Variants in ZNF516 observed in about 807,000 individuals in gnomAD.
The protein encoded by ZNF516 is zinc finger protein 516.
ZNF516 carries 19 observed loss-of-function variants against 79.7 expected under a neutral mutation model. The ratio of observed to expected loss-of-function variants is 0.24; its 90% confidence interval spans 0.17 to 0.35. The LOEUF (loss-of-function observed/expected upper bound fraction) is 0.35, where lower values mean the gene tolerates loss of function less well. Ranked by LOEUF, ZNF516 falls within the 10% of genes least tolerant of loss-of-function variation. The pLI is 1.00. For missense variants in ZNF516, 1,678 were observed against 1,679.5 expected, an observed-to-expected ratio of 1.00 and a Z score of 0.02; for synonymous variants, 877 against 739.5, an observed-to-expected ratio of 1.19 and a Z score of -3.02.
chr18:76,464,049 C>A (rs578056459), intron 1 of ZNF516, among the ~76,000 whole-genome samples: 1 of 152,062 alleles, frequency 6.6e-6, no homozygotes, highest in Non-Finnish European at 1.5e-5. Flanking sequence ...CAAGGCCGGG[C>A]GCGGGTGCTC....
At chr18:76,475,121 T>A (rs1253969300) in intron 1 of ZNF516, among the ~76,000 whole-genome samples, 1 of 152,210 alleles carries the variant, frequency 6.6e-6, no homozygotes, top group African/African-American at 2.4e-5. Flanking sequence ...CAAAACAAGT[T>A]ACCCAAAGAG....
At chr18:76,458,561 A>G (rs1912874204) in intron 2 of ZNF516, among the ~76,000 whole-genome samples, 2 of 152,262 alleles carry the variant, frequency 1.3e-5, no homozygotes, top group Admixed American at 6.5e-5. Flanking sequence ...GACCAAGGGC[A>G]CAGGAGTAGT....
At chr18:76,391,128 A>G (rs760292737) in intron 3 of ZNF516, among the ~76,000 whole-genome samples, 2 of 152,168 alleles carry the variant, frequency 1.3e-5, no homozygotes, top group Non-Finnish European at 2.9e-5. Context: ...GAAATCATTA[A>G]GGAGGGCTGC....
At chr18:76,389,946 G>A (rs780900697) in intron 3 of ZNF516, among the ~76,000 whole-genome samples, 73 of 152,180 alleles carry the variant, frequency 4.8e-4, no homozygotes, top group Non-Finnish European at 7.9e-4. Flanking sequence ...TGGGCAGCAC[G>A]CAGTTTTATT....
In ZNF516 at chr18:76,379,128, G is replaced by A. The variant is rs768722340; in HGVS notation, c.2986C>T (p.Pro996Ser). ...PPAKGEGGAP[P>S]LPPREPPSKA... Reference sequence around the variant, plus strand: ...GAGGGGGGCTCGCGGGGAGGTAGAGGAGGAGCGCCCCCTTCGCCCTTTGCA... The same window carrying A: ...GAGGGGGGCTCGCGGGGAGGTAGAGAAGGAGCGCCCCCTTCGCCCTTTGCA... The change falls in exon 4 of 7, where the codon CCT (proline) becomes TCT (serine). Residue 996 changes from proline (P) to serine (S), a missense_variant. Physicochemically the swap from Pro to Ser is moderately conservative, Grantham distance 74 (BLOSUM62 -1). Around this residue, in one of 5 missense-constraint regions of ZNF516, gnomAD observed 1,294 missense variants for 1,248.3 expected, o/e 1.04. Coordinates refer to ENST00000443185, the MANE Select transcript of ZNF516 (RefSeq NM_014643.4). 1.1e-5 allele frequency: 17 copies of A among 1,612,630 alleles called. No individual in the cohort carries two copies. Among genetic ancestry groups the A allele is most frequent in the East Asian group, 4.5e-5 (2 of 44,858 alleles).
At chr18:76,492,149 G>A in intron 1 of ZNF516, 4 of 985,326 alleles carry the variant, frequency 4.1e-6, no homozygotes, top group Non-Finnish European at 4.8e-6. Flanking sequence ...CCTCTCCATT[G>A]CATCATCCCC....
chr18:76,361,446 A>C lies in ZNF516; in HGVS notation c.*1052T>G, dbSNP rs1392422893. On this transcript the variant is annotated 3_prime_UTR_variant, in exon 7 of 7. Transcript: ENST00000443185. ...ATGAACAAAGTCACTCATCCTGTGG[A>C]GGTCACCAGGCCCAGGGAGAAAAGA... 1 of 152,198 alleles carries C rather than the reference A, an allele frequency of 6.6e-6. No individual in the cohort carries two copies. The highest frequency in any genetic ancestry group is 2.4e-5 in the African/African-American group (1 of 41,434). 9.4% of individuals were successfully genotyped at this position (152,198 alleles called of 1,614,324 possible).
chr18:76,418,302 C>T (rs111211715), intron 3 of ZNF516, among the ~76,000 whole-genome samples: 3,514 of 152,188 alleles, frequency 0.023, 68 homozygotes, highest in Middle Eastern at 0.041. Flanking sequence ...ATAACACACA[C>T]GCTGTAACAT....
chr18:76,468,853 T>C (rs781426457), intron 1 of ZNF516, among the ~76,000 whole-genome samples: 1 of 152,184 alleles, frequency 6.6e-6, no homozygotes, highest in African/African-American at 2.4e-5. Flanking sequence ...ATCTTCCCCA[T>C]CAGTTCCTTG....
At chr18:76,363,754 G>C (rs1207016009) in intron 6 of ZNF516, among the ~76,000 whole-genome samples, 1 of 152,220 alleles carries the variant, frequency 6.6e-6, no homozygotes. Flanking sequence ...ATCATCAACA[G>C]GGCTCACTAA....
At position 76,358,588 on chromosome 18, in the gene ZNF516, T is replaced by C. The variant is rs1599116377; in HGVS notation, c.*3910A>G. 6.6e-6 allele frequency: 1 copy of C among 152,248 alleles called. No homozygotes were observed. The highest frequency in any genetic ancestry group is 2.4e-5 in the African/African-American group (1 of 41,460). 9.4% of individuals were successfully genotyped at this position (152,248 alleles called of 1,614,324 possible). A position where few individuals can be genotyped will look rare whatever the true frequency, so the allele number is the denominator to read the frequency against. On this transcript the variant is annotated 3_prime_UTR_variant, in exon 7 of 7. Coordinates refer to ENST00000443185, the MANE Select transcript of ZNF516 (RefSeq NM_014643.4). ...GCCTGTGGTTGTTTCATCTGTTTTT[T>C]TGCTCAGTGAACAAAACGTTCTGAA... is the stretch of plus-strand genomic sequence containing the variant.
intron 3 of ZNF516, among the ~76,000 whole-genome samples, chr18:76,403,953 C>A (rs576538136): frequency 6.8e-4 from 104 of 152,236 alleles, no homozygotes; most frequent in Non-Finnish European, 1.2e-3. Context: ...AAGCATCCTG[C>A]GGACAACGAG....
At chr18:76,394,928 C>T (rs761259986) in intron 3 of ZNF516, among the ~76,000 whole-genome samples, 16 of 152,098 alleles carry the variant, frequency 1.1e-4, no homozygotes, top group African/African-American at 4.8e-5. Flanking sequence ...TCACCACACA[C>T]GCCCTTTCTG....
rs192324175 is a variant in ZNF516, at chr18:76,379,488, C to T, written c.2626G>A (p.Ala876Thr). The change falls in exon 4 of 7, where the codon GCT becomes ACT. Residue 876 changes from alanine (A) to threonine (T), a missense_variant. This residue lies in a region of ZNF516 where 1,294 missense variants were observed against 1,248.3 expected (regional missense o/e 1.04). Transcript: ENST00000443185. ...NKESHSGGPC[A>T]LWAPGPDGYR... is the part of the protein sequence containing the mutation. The stretch of plus-strand genomic sequence containing the variant: ...CCGTCAGGGCCGGGCGCCCACAGAG[C>T]GCAGGGACCTCCGGAATGGCTCTCC... 37 of 1,613,592 alleles carry T rather than the reference C, an allele frequency of 2.3e-5. No homozygotes were observed. In the African/African-American group the frequency reaches 3.3e-4, roughly 15 times the overall value.
intron 3 of ZNF516, among the ~76,000 whole-genome samples, chr18:76,384,778 G>A (rs2074958012): frequency 6.6e-6 from 1 of 152,074 alleles, no homozygotes; most frequent in Admixed American, 6.5e-5. Flanking sequence ...AAGTCTGCAA[G>A]AAAAAGCACT....
chr18:76,463,616 C>A (rs967412894), intron 1 of ZNF516, among the ~76,000 whole-genome samples: 1 of 152,192 alleles, frequency 6.6e-6, no homozygotes, highest in Non-Finnish European at 1.5e-5. Flanking sequence ...GTCTGTGGGG[C>A]GCCACCTACT....
intron 1 of ZNF516, among the ~76,000 whole-genome samples, chr18:76,472,428 C>T (rs893643449): frequency 6.6e-6 from 1 of 152,216 alleles, no homozygotes; most frequent in African/African-American, 2.4e-5. Flanking sequence ...TATACACAGG[C>T]GCACTTACAC....
intron 3 of ZNF516, among the ~76,000 whole-genome samples, chr18:76,415,117 G>A (rs952362984): frequency 2.0e-5 from 3 of 152,134 alleles, no homozygotes; most frequent in Non-Finnish European, 2.9e-5. Flanking sequence ...AGAATTGTAC[G>A]AACCCAAGAA....
intron 4 of ZNF516, 112 bp downstream of exon 4, chr18:76,378,743 C>T: frequency 6.9e-7 from 1 of 1,440,402 alleles, no homozygotes; most frequent in South Asian, 1.4e-5. Flanking sequence ...ATGGGGCCGG[C>T]TGGCTCTGTC....
Sources: allele counts gnomAD v4.1 joint callset (sites outside exome capture counted in the v4.1 genomes callset), GRCh38; gene constraint gnomAD v4.1.1; regional missense constraint gnomAD v4.1.1; transcripts MANE v1.5; gene names NCBI Gene and HGNC (gene_info 2026-07-23, HGNC 2026-07-21).